NEBL: variants seen among roughly 807,000 people sequenced by gnomAD.
The protein encoded by NEBL is nebulette, also known as LIM and SH3 protein 2.
In NEBL, 122 loss-of-function variants were observed where a neutral mutation model predicts 140.2. The ratio of observed to expected loss-of-function variants is 0.87; its 90% CI spans 0.75 to 1.01. The LOEUF (loss-of-function observed/expected upper bound fraction) is 1.01, where lower values mean the gene tolerates loss of function less well. Among genes scored for constraint, NEBL ranks in the 50% least tolerant of loss-of-function variants. The probability of loss-of-function intolerance (pLI) is 0.00; values close to 1 mark genes in which losing one functional copy is unlikely to be tolerated. For missense variants in NEBL, 1,365 were observed against 1,231.3 expected (o/e 1.11, Z -1.62); for synonymous variants, 436 against 398.9 (o/e 1.09, Z -1.11).
At chr10:21,025,496 T>C (rs375746184) in intron 2 of NEBL, among the ~76,000 whole-genome samples, 3 of 152,292 alleles carry the variant, frequency 2.0e-5, no homozygotes, top group South Asian at 2.1e-4. Flanking sequence ...TTTTTCTCTG[T>C]GAGATTCAGT....
intron 2 of NEBL, among the ~76,000 whole-genome samples, chr10:21,122,002 G>GGTT (rs147160117): frequency 0.074 from 11,046 of 149,432 alleles, 494 homozygotes; most frequent in South Asian, 0.13. Flanking sequence ...GATTTCTCCT[G>GGTT]GTTGTTGTTG....
At chr10:21,069,739 A>G (rs1835729985) in intron 2 of NEBL, among the ~76,000 whole-genome samples, 1 of 152,226 alleles carries the variant, frequency 6.6e-6, no homozygotes, top group Non-Finnish European at 1.5e-5. Flanking sequence ...GCTAAGGATC[A>G]CTGTTTCTAA....
chr10:21,243,568 G>A (rs1358091014), intron 3 of NEBL, among the ~76,000 whole-genome samples: 1 of 151,898 alleles, frequency 6.6e-6, no homozygotes, highest in African/African-American at 2.4e-5. Context: ...CACCATGCCT[G>A]GCCCATATTA....
intron 10 of NEBL, among the ~76,000 whole-genome samples, chr10:20,851,818 A>G (rs751879040): frequency 2.6e-5 from 4 of 152,144 alleles, no homozygotes; most frequent in Non-Finnish European, 5.9e-5. Flanking sequence ...TGAAATGAAA[A>G]TAAGTAATTT....
chr10:20,941,430 A>C (rs1259992822), intron 4 of NEBL, among the ~76,000 whole-genome samples: 1 of 152,242 alleles, frequency 6.6e-6, no homozygotes, highest in Non-Finnish European at 1.5e-5. Flanking sequence ...GATGGGACAT[A>C]TCTCAAAATA....
intron 21 of NEBL, among the ~76,000 whole-genome samples, chr10:20,816,861 C>A (rs1416956292): frequency 6.6e-6 from 1 of 152,114 alleles, no homozygotes; most frequent in Admixed American, 6.5e-5. Context: ...GCCATGCACA[C>A]ATTATCATTT....
At chr10:21,244,593 A>C (rs1842491930) in intron 3 of NEBL, among the ~76,000 whole-genome samples, 1 of 151,870 alleles carries the variant, frequency 6.6e-6, no homozygotes. Context: ...TAGAGGTTGC[A>C]ATGAGCCAAG....
intron 1 of NEBL, among the ~76,000 whole-genome samples, chr10:21,261,646 CAA>C (rs879365999): frequency 7.7e-6 from 1 of 129,636 alleles, no homozygotes; most frequent in Non-Finnish European, 1.7e-5. Flanking sequence ...GACCCTGTCT[CAA>C]AAAAAAAAAG....
chr10:21,043,010 A>G (rs1834339938), intron 2 of NEBL, among the ~76,000 whole-genome samples: 1 of 152,234 alleles, frequency 6.6e-6, no homozygotes, highest in South Asian at 2.1e-4. Flanking sequence ...AGAAGGTGGA[A>G]AAGTCTGCTG....
chr10:20,835,069 T>C (rs1220870482), intron 14 of NEBL, among the ~76,000 whole-genome samples: 1 of 152,206 alleles, frequency 6.6e-6, no homozygotes, highest in African/African-American at 2.4e-5. Flanking sequence ...AAAGGCTATT[T>C]TAAGAACATG....
chr10:21,282,245 T>TG (rs1843002124), intron 1 of NEBL, among the ~76,000 whole-genome samples: 1 of 152,184 alleles, frequency 6.6e-6, no homozygotes, highest in African/African-American at 2.4e-5. Context: ...TGTGAATGGA[T>TG]GAGCTCTCTG....
chr10:21,180,190 C>A (rs1218321707), intron 3 of NEBL, among the ~76,000 whole-genome samples: 1 of 152,014 alleles, frequency 6.6e-6, no homozygotes, highest in Non-Finnish European at 1.5e-5. Context: ...CTCCCCGAGC[C>A]TCCTGAAGGA....
chr10:21,238,186 T>C (rs1842385238), intron 3 of NEBL, among the ~76,000 whole-genome samples: 1 of 152,212 alleles, frequency 6.6e-6, no homozygotes, highest in South Asian at 2.1e-4. Context: ...CCTTGTGTTA[T>C]GTCACCCTCA....
At chr10:21,181,623 C>T (rs1035659761) in intron 3 of NEBL, among the ~76,000 whole-genome samples, 1 of 152,190 alleles carries the variant, frequency 6.6e-6, no homozygotes, top group African/African-American at 2.4e-5. Context: ...CATCTCTGAC[C>T]TTTCCGGGTG....
intron 23 of NEBL, 104 bp downstream of exon 23, chr10:20,813,835 T>C: frequency 2.5e-6 from 2 of 802,746 alleles, no homozygotes; most frequent in South Asian, 2.8e-5. Context: ...CAACCACATT[T>C]CCATGCTTTG....
chr10:20,872,490 T>C (rs543252976), intron 5 of NEBL, among the ~76,000 whole-genome samples: 1 of 152,124 alleles, frequency 6.6e-6, no homozygotes, highest in African/African-American at 2.4e-5. Context: ...AATGGCAACA[T>C]GGCTTCTCAC....
intron 2 of NEBL, among the ~76,000 whole-genome samples, chr10:21,116,362 G>T (rs1245024010): frequency 1.3e-5 from 2 of 151,996 alleles, no homozygotes; most frequent in East Asian, 3.9e-4. Flanking sequence ...ACGCAAAAAA[G>T]GTAATCTGTA....
At chr10:20,907,112 T>C (rs977494196) in intron 4 of NEBL, among the ~76,000 whole-genome samples, 8 of 152,094 alleles carry the variant, frequency 5.3e-5, no homozygotes, top group Non-Finnish European at 1.0e-4. Context: ...AATAATTGGC[T>C]ATTTTTCAAT....
rs1388027289 is a variant in NEBL at position 21,173,900 on chromosome 10, CG to C, written c.-68del. The C allele has an allele frequency of 2.8e-5, 44 of 1,581,424 alleles. No individual in the cohort carries two copies. Among genetic ancestry groups the C allele is most frequent in the Non-Finnish European group, 3.5e-5 (41 of 1,169,490 alleles). On this transcript the variant is annotated 5_prime_UTR_variant, in exon 1 of 7. Transcript: ENST00000417816. This position sits in a 1 kb window ranked among gnomAD's most constrained non-coding sequence, Gnocchi z 5.7. The stretch of plus-strand genomic sequence containing the variant: ...TCCCAGGAGCCGCTGTGACATCCCC[CG>C]GCGAGCCCCGCACCGCCTCCTGGCA...
Sources: gnomAD v4.1 joint callset for allele counts (sites outside exome capture counted in the v4.1 genomes callset) on GRCh38, gnomAD v4.1.1 for gene constraint, Gnocchi (gnomAD v3.1) non-coding constraint, MANE v1.5 for transcripts, NCBI Gene and HGNC (gene_info 2026-07-23, HGNC 2026-07-21) for gene names.